POLA1: variants seen among roughly 807,000 people sequenced by gnomAD.
POLA1 encodes DNA polymerase alpha catalytic subunit.
POLA1 carries 15 observed loss-of-function variants against 124.0 expected under a neutral mutation model. The observed-to-expected ratio is 0.12, with a 90% CI of 0.08 to 0.19. The LOEUF (loss-of-function observed/expected upper bound fraction) is 0.19, where lower values mean the gene tolerates loss of function less well. POLA1 is among the 10% of genes least tolerant of loss of function. POLA1 has a pLI of 1.00. For synonymous variants in POLA1, 408 were observed against 389.4 expected (o/e 1.05, Z -0.56); for missense variants, 886 against 1,103.4 (o/e 0.80, Z 2.79).
At chrX:24,754,705 A>G (rs1159242998) in intron 26 of POLA1, among the ~76,000 whole-genome samples, 2 of 111,459 alleles carry the variant, frequency 1.8e-5, no homozygotes, top group Admixed American at 9.5e-5. Context: ...ATTCTTGCCC[A>G]TGGGTTGTTC....
At chrX:24,919,432 G>T (rs992451695) in intron 35 of POLA1, among the ~76,000 whole-genome samples, 3 of 110,955 alleles carry the variant, frequency 2.7e-5, no homozygotes, top group African/African-American at 9.8e-5. Flanking sequence ...GTGCCTTGAG[G>T]TCATGTTCCC....
intron 32 of POLA1, 62 bp downstream of exon 32, chrX:24,826,663 G>A: frequency 1.3e-6 from 1 of 745,439 alleles, no homozygotes. Context: ...AGTCTTCCTT[G>A]TCTCTTGAGA....
intron 32 of POLA1, among the ~76,000 whole-genome samples, chrX:24,829,710 G>GT (rs2046233040): frequency 8.9e-6 from 1 of 112,234 alleles, no homozygotes; most frequent in Non-Finnish European, 1.9e-5. Flanking sequence ...CGAGGCCCCT[G>GT]TTATCAGTTC....
rs1054932634 is a variant in POLA1, at chrX:24,821,453, C to T, written c.3431C>T (p.Ala1144Val). 2 of 1,199,493 alleles carry T rather than the reference C, an allele frequency of 1.7e-6. No homozygotes were observed. Among genetic ancestry groups the T allele is most frequent in the Admixed American group, 2.2e-5 (1 of 45,007 alleles). ...GAACTTTTTTGTTCCCTCTTTTAGG[C>T]ATTGACAAAGGATCCCCAGGATTAC... ...VPVSQFEINK[A>V]LTKDPQDYPD... The change falls in exon 31 of 37, where the codon GCA (alanine) becomes GTA (valine). Residue 1144 changes from alanine (A) to valine (V), a missense_variant and splice_region_variant. Transcript: ENST00000379068.
At chrX:24,703,859 A>G (rs188538083) in intron 3 of POLA1, among the ~76,000 whole-genome samples, 99 of 111,911 alleles carry the variant, frequency 8.8e-4, no homozygotes, top group African/African-American at 3.1e-3. Context: ...GCACCATACA[A>G]AGGCTGGTCC....
At chrX:24,830,487 T>G (rs1188543141) in intron 32 of POLA1, among the ~76,000 whole-genome samples, 1 of 112,392 alleles carries the variant, frequency 8.9e-6, no homozygotes, top group Non-Finnish European at 1.9e-5. Context: ...ATATGTATCA[T>G]TTTTCTGAAA....
intron 35 of POLA1, among the ~76,000 whole-genome samples, chrX:24,929,194 A>G (rs996120845): frequency 1.8e-4 from 20 of 112,125 alleles, no homozygotes; most frequent in African/African-American, 6.2e-4. Context: ...TGGATCTAAT[A>G]CTTGGTTACT....
intron 26 of POLA1, among the ~76,000 whole-genome samples, chrX:24,787,559 T>C (rs1239707964): frequency 8.9e-6 from 1 of 112,015 alleles, no homozygotes; most frequent in Non-Finnish European, 1.9e-5. Context: ...CTCTATTCTG[T>C]TCCATTGGTC....
At chrX:24,785,643 A>C (rs1413287800) in intron 26 of POLA1, among the ~76,000 whole-genome samples, 1 of 112,437 alleles carries the variant, frequency 8.9e-6, no homozygotes, top group Non-Finnish European at 1.9e-5. Context: ...AAGTTAAACA[A>C]TGTTAAAGGG....
rs771345890 is a variant in POLA1 at position 24,717,438 on chromosome X, A to T, written c.855A>T (p.Pro285=). The part of the protein sequence containing the change: ...AAKAWDKESE[P]AEEVKQEADS... ...AGGCTTGGGACAAAGAGAGTGAGCC[A>T]GCAGAGGAAGTGAAACAAGAGGCGG... Residue 285 remains proline (P), a synonymous_variant, in exon 9 of 37, where the codon CCA becomes CCT. Transcript: ENST00000379068. The T allele has an allele frequency of 1.3e-5, 16 of 1,211,915 alleles. No homozygotes were observed. The highest frequency in any genetic ancestry group is 4.5e-6 in the Non-Finnish European group (4 of 895,464).
At chrX:24,698,840 A>G (rs1282826117) in intron 1 of POLA1, among the ~76,000 whole-genome samples, 2 of 109,686 alleles carry the variant, frequency 1.8e-5, no homozygotes, top group Non-Finnish European at 3.8e-5. Flanking sequence ...TTTAGTAGAG[A>G]TGGGGTTTCA....
At chrX:24,863,637 G>A (rs1028673380) in intron 34 of POLA1, among the ~76,000 whole-genome samples, 2 of 111,430 alleles carry the variant, frequency 1.8e-5, no homozygotes, top group South Asian at 3.9e-4. Context: ...CTAACATGTC[G>A]TCTACGGGTC....
intron 30 of POLA1, among the ~76,000 whole-genome samples, chrX:24,817,340 T>A (rs2148504904): frequency 9.0e-6 from 1 of 111,333 alleles, no homozygotes; most frequent in African/African-American, 3.3e-5. Flanking sequence ...CCGGGCGCGG[T>A]GGCTTGTGCC....
intron 35 of POLA1, among the ~76,000 whole-genome samples, chrX:24,926,601 A>G (rs1380571399): frequency 2.7e-5 from 3 of 112,084 alleles, no homozygotes; most frequent in Non-Finnish European, 3.8e-5. Flanking sequence ...AATGATTCTC[A>G]TGAAAACTTC....
At chrX:24,937,157 G>A (rs770863922) in intron 36 of POLA1, among the ~76,000 whole-genome samples, 2 of 111,563 alleles carry the variant, frequency 1.8e-5, no homozygotes, top group African/African-American at 6.5e-5. Flanking sequence ...TTATTATAAA[G>A]AAGTGATTGT....
At chrX:24,745,387 G>T in intron 23 of POLA1, 31 bp from the exon 24 acceptor site, 1 of 1,104,052 alleles carries the variant, frequency 9.1e-7, no homozygotes. Flanking sequence ...CTTTTCTTTA[G>T]ACTTTTTATG....
intron 32 of POLA1, among the ~76,000 whole-genome samples, chrX:24,839,762 C>T (rs2046386688): frequency 8.9e-6 from 1 of 112,078 alleles, no homozygotes; most frequent in Non-Finnish European, 1.9e-5. Context: ...TAGTGTTGGC[C>T]TGGGAAATTG....
At chrX:24,788,299 G>T in intron 26 of POLA1, 1 of 921,441 alleles carries the variant, frequency 1.1e-6, no homozygotes, top group Non-Finnish European at 1.4e-6. Flanking sequence ...ATCTAAGATT[G>T]GGAACAAGAT....
chrX:24,834,713 GTTGCAGTGAGCCGAGA>G (rs2046318598), intron 32 of POLA1, among the ~76,000 whole-genome samples: 2 of 111,676 alleles, frequency 1.8e-5, no homozygotes, highest in Admixed American at 1.9e-4. Context: ...GGGAGGCGAG[GTTGCAGTGAGCCGAGA>G]TTGCGCCAGT....
Sources: allele counts gnomAD v4.1 joint callset (sites outside exome capture counted in the v4.1 genomes callset), GRCh38; gene constraint gnomAD v4.1.1; transcripts MANE v1.5; gene names NCBI Gene and HGNC (gene_info 2026-07-23, HGNC 2026-07-21).